Variants in CHRM3 observed in about 807,000 individuals in gnomAD.
CHRM3 encodes cholinergic receptor muscarinic 3, also known as muscarinic acetylcholine receptor M3.
Under a neutral mutation model 41.8 loss-of-function variants are expected in CHRM3, and 11 were observed. The ratio of observed to expected loss-of-function variants is 0.26; its 90% CI spans 0.17 to 0.44. CHRM3 has a LOEUF of 0.44. CHRM3 is among the 20% of genes least tolerant of loss of function. The probability of loss-of-function intolerance (pLI) is 1.00; values close to 1 mark genes in which losing one functional copy is unlikely to be tolerated. For missense variants in CHRM3, 571 were observed against 745.4 expected, an observed-to-expected ratio of 0.77 and a Z score of 2.72; for synonymous variants, 297 against 301.4, an observed-to-expected ratio of 0.99 and a Z score of 0.15.
intron 5 of CHRM3, among the ~76,000 whole-genome samples, chr1:239,728,936 T>G (rs938784714): frequency 6.6e-6 from 1 of 151,982 alleles, no homozygotes; most frequent in Non-Finnish European, 1.5e-5. Context: ...GTTCTCTAAG[T>G]GTAGTGTGTT....
chr1:239,641,833 G>A lies in CHRM3; in HGVS notation c.-250+9547G>A, dbSNP rs375041997. ...ATGATGTTAGCTGGTTATTTTGCTC[G>A]TTAGTTGATGCAGTTTCTTCCTAGT... is the stretch of plus-strand genomic sequence containing the variant. On this transcript the variant is annotated intron_variant, in intron 4 of 6. Coordinates refer to ENST00000676153, the MANE Select transcript of CHRM3 (RefSeq NM_001375978.1). Among the ~76,000 whole-genome samples the A allele has an allele frequency of 1.3e-3, 163 of 126,714 alleles. 33 individuals carry two copies. Among genetic ancestry groups the A allele is most frequent in the South Asian group, 0.012 (45 of 3,716 alleles). 83.1% of individuals were successfully genotyped at this position (126,714 alleles called of 152,430 possible). A position where few individuals can be genotyped will look rare whatever the true frequency, so the allele number is the denominator to read the frequency against.
intron 1 of CHRM3, among the ~76,000 whole-genome samples, chr1:239,419,548 T>C (rs373537579): frequency 3.3e-5 from 5 of 152,176 alleles, no homozygotes; most frequent in Non-Finnish European, 7.3e-5. Flanking sequence ...GGGAAGAACA[T>C]ATAAGGTGCT....
intron 4 of CHRM3, among the ~76,000 whole-genome samples, chr1:239,650,492 G>A (rs1672134643): frequency 6.6e-6 from 1 of 152,290 alleles, no homozygotes; most frequent in African/African-American, 2.4e-5. Flanking sequence ...CATGAGGAAT[G>A]GCTTCACTCT....
intron 1 of CHRM3, among the ~76,000 whole-genome samples, chr1:239,492,124 T>C (rs570200028): frequency 1.3e-5 from 2 of 152,308 alleles, no homozygotes; most frequent in Admixed American, 6.5e-5. Context: ...AGCTAGTAAG[T>C]ACAGAACAAG....
At chr1:239,602,110 G>GTGTATATATATA (rs1307023039) in intron 3 of CHRM3, among the ~76,000 whole-genome samples, 3 of 112,862 alleles carry the variant, frequency 2.7e-5, no homozygotes, top group Non-Finnish European at 3.8e-5. Context: ...GTGTGTGTGT[G>GTGTATATATATA]TATATATATA....
intron 2 of CHRM3, among the ~76,000 whole-genome samples, chr1:239,526,436 T>G (rs1302533348): frequency 6.6e-6 from 1 of 152,160 alleles, no homozygotes; most frequent in Non-Finnish European, 1.5e-5. Flanking sequence ...CATCCCAGTG[T>G]TTTTACCAGC....
intron 3 of CHRM3, among the ~76,000 whole-genome samples, chr1:239,581,804 T>C (rs1662923241): frequency 6.6e-6 from 1 of 152,188 alleles, no homozygotes; most frequent in African/African-American, 2.4e-5. Flanking sequence ...GATTTGAACC[T>C]AAGCTGCCTG....
intron 1 of CHRM3, among the ~76,000 whole-genome samples, chr1:239,403,977 GA>G (rs1343040483): frequency 0.15 from 1,876 of 12,136 alleles, 45 homozygotes; most frequent in Non-Finnish European, 0.23. Context: ...GAGGGAGGGG[GA>G]GAGAGAGAGA....
In CHRM3 at chr1:239,702,196, A is replaced by G; in HGVS notation, c.-147+23908A>G. On this transcript the variant is annotated intron_variant, in intron 5 of 6. Transcript: ENST00000676153. ...TATTTACCTTTTAAAGGAAGGTAGT[A>G]CTTAAATTCGTCACTGATCTTGGAA... 1.3e-5 allele frequency among the ~76,000 whole-genome samples: 2 copies of G among 152,150 alleles called. 1 individual carries two copies. The highest frequency in any genetic ancestry group is 2.9e-5 in the Non-Finnish European group (2 of 68,028).
chr1:239,619,000 C>T (rs1324247309), intron 3 of CHRM3, among the ~76,000 whole-genome samples: 4 of 151,186 alleles, frequency 2.6e-5, no homozygotes, highest in Non-Finnish European at 4.4e-5. Flanking sequence ...CTGCAACCTC[C>T]GCCTCCTGGG....
At chr1:239,630,754 C>G (rs891349833) in intron 3 of CHRM3, among the ~76,000 whole-genome samples, 7 of 152,280 alleles carry the variant, frequency 4.6e-5, no homozygotes, top group African/African-American at 1.4e-4. Flanking sequence ...AAGAGTCAGA[C>G]AGAGCTGATT....
chr1:239,605,856 C>T (rs760167293), intron 3 of CHRM3: 13 of 152,174 alleles, frequency 8.5e-5, no homozygotes, highest in South Asian at 2.1e-4. Flanking sequence ...AAGGTATATG[C>T]ATATCAATGG....
chr1:239,489,428 G>A (rs1400435020), intron 1 of CHRM3, among the ~76,000 whole-genome samples: 1 of 151,764 alleles, frequency 6.6e-6, no homozygotes, highest in Non-Finnish European at 1.5e-5. Context: ...AAAAAAAATT[G>A]GGGGTCAGTT....
intron 1 of CHRM3, among the ~76,000 whole-genome samples, chr1:239,404,451 A>AAAGG (rs1660388409): frequency 7.1e-6 from 1 of 140,572 alleles, no homozygotes; most frequent in Admixed American, 7.2e-5. Flanking sequence ...AGAAAGAAAG[A>AAAGG]AAGAAAGAAA....
intron 6 of CHRM3, among the ~76,000 whole-genome samples, chr1:239,835,959 C>T (rs1423118264): frequency 1.3e-5 from 2 of 152,222 alleles, no homozygotes; most frequent in Admixed American, 6.5e-5. Flanking sequence ...TGCATCATGT[C>T]CTTGCCGCTT....
chr1:239,676,795 A>T (rs1658043013), intron 4 of CHRM3, among the ~76,000 whole-genome samples: 1 of 152,198 alleles, frequency 6.6e-6, no homozygotes, highest in African/African-American at 2.4e-5. Flanking sequence ...ATGTGTGCAA[A>T]TGATTTCGGG....
At chr1:239,810,083 G>T (rs184146016) in intron 5 of CHRM3, among the ~76,000 whole-genome samples, 7 of 152,304 alleles carry the variant, frequency 4.6e-5, no homozygotes, top group Admixed American at 2.0e-4. Flanking sequence ...TTATTGTAGT[G>T]TTGATCTGCG....
At chr1:239,765,941 C>T (rs1667169412) in intron 5 of CHRM3, among the ~76,000 whole-genome samples, 2 of 151,600 alleles carry the variant, frequency 1.3e-5, no homozygotes, top group Non-Finnish European at 2.9e-5. Context: ...CTCAGCCTCC[C>T]GAGTAGCTGG....
intron 1 of CHRM3, among the ~76,000 whole-genome samples, chr1:239,424,801 G>A (rs1156442394): frequency 6.6e-6 from 1 of 152,244 alleles, no homozygotes; most frequent in Admixed American, 6.5e-5. Context: ...GAAGAAGCAA[G>A]TAGGGGTCAG....
Sources: allele counts gnomAD v4.1 joint callset (sites outside exome capture counted in the v4.1 genomes callset), GRCh38; gene constraint gnomAD v4.1.1; transcripts MANE v1.5; gene names NCBI Gene and HGNC (gene_info 2026-07-23, HGNC 2026-07-21).